The following SNTG2 variants were observed in gnomAD, a reference collection of about 807,000 sequenced individuals.
SNTG2 encodes the protein gamma-2-syntrophin.
In SNTG2, 74 loss-of-function variants were observed where a neutral mutation model predicts 70.9. The ratio of observed to expected loss-of-function variants is 1.04; its 90% CI spans 0.86 to 1.27. SNTG2 has a LOEUF of 1.27. SNTG2 is among the 50% of genes most tolerant of loss of function. SNTG2 has a pLI of 0.00. For synonymous variants in SNTG2, 278 were observed against 273.8 expected (o/e 1.02, Z -0.15); for missense variants, 717 against 690.7 (o/e 1.04, Z -0.43).
chr2:1,022,728 TTGG>T (rs1373473909), intron 1 of SNTG2, among the ~76,000 whole-genome samples: 4 of 152,216 alleles, frequency 2.6e-5, no homozygotes, highest in African/African-American at 9.7e-5. Context: ...TGCATTGGGA[TTGG>T]TGATTATCAA....
intron 13 of SNTG2, among the ~76,000 whole-genome samples, chr2:1,266,351 G>A (rs1230241431): frequency 6.6e-6 from 1 of 152,204 alleles, no homozygotes; most frequent in Non-Finnish European, 1.5e-5. Context: ...TGCAGATGGG[G>A]GAAAGAAGTG....
At chr2:1,080,427 A>C (rs11127455) in intron 1 of SNTG2, among the ~76,000 whole-genome samples, 123,000 of 152,180 alleles carry the variant, frequency 0.81, 49,810 homozygotes, top group Admixed American at 0.89. Flanking sequence ...ACTTTTATTC[A>C]TGTGCTGACC....
intron 14 of SNTG2, among the ~76,000 whole-genome samples, chr2:1,293,525 C>CTGTGTTGTGTGAATTCTGG: frequency 6.6e-6 from 1 of 151,672 alleles, no homozygotes; most frequent in Non-Finnish European, 1.5e-5. Flanking sequence ...CCTAGTTTTA[C>CTGTGTTGTGTGAATTCTGG]TGTGTTGTGT....
chr2:1,272,162 A>T (rs1305115370), intron 14 of SNTG2, among the ~76,000 whole-genome samples: 1 of 152,062 alleles, frequency 6.6e-6, no homozygotes, highest in East Asian at 1.9e-4. Context: ...GCAATCTGTA[A>T]TGAAATAATT....
chr2:1,237,701 G>A (rs1241103763), intron 9 of SNTG2, among the ~76,000 whole-genome samples, 187 bp from the exon 10 acceptor site: 1 of 152,224 alleles, frequency 6.6e-6, no homozygotes, highest in Non-Finnish European at 1.5e-5. Flanking sequence ...TGTTACCAAG[G>A]GAATTCGGGG....
chr2:1,145,597 G>A lies in SNTG2; in HGVS notation c.411+7788G>A, dbSNP rs147262606. On this transcript the variant is annotated intron_variant, in intron 6 of 16. Coordinates refer to ENST00000308624, the MANE Select transcript of SNTG2 (RefSeq NM_018968.4). ...TCAAACAGAAAGTGCCAGGCCAGAC[G>A]GGTTCCCTGGTGAGTTCTACCAAAC... Among the ~76,000 whole-genome samples the A allele has an allele frequency of 5.9e-3, 905 of 152,186 alleles. 8 individuals carry two copies. The highest frequency in any genetic ancestry group is 8.8e-3 in the Admixed American group (135 of 15,274).
intron 12 of SNTG2, among the ~76,000 whole-genome samples, 158 bp downstream of exon 12, chr2:1,247,601 T>C (rs1431817952): frequency 6.6e-6 from 1 of 152,186 alleles, no homozygotes; most frequent in Admixed American, 6.5e-5. Context: ...TGCTTGTAGA[T>C]TGCTTATTTC....
intron 16 of SNTG2, among the ~76,000 whole-genome samples, chr2:1,318,902 C>A (rs1681406969): frequency 6.6e-6 from 1 of 152,208 alleles, no homozygotes; most frequent in Non-Finnish European, 1.5e-5. Flanking sequence ...CCGTGGCTTT[C>A]TGAGCCTCTG....
At chr2:1,140,818 A>G (rs1668701379) in intron 6 of SNTG2, among the ~76,000 whole-genome samples, 1 of 120 alleles carries the variant, frequency 8.3e-3, no homozygotes, top group African/African-American at 0.011. Context: ...AGTGCTATGA[A>G]AACCATTGAT....
chr2:1,021,772 C>T (rs1175368640), intron 1 of SNTG2, among the ~76,000 whole-genome samples: 2 of 151,374 alleles, frequency 1.3e-5, no homozygotes, highest in Non-Finnish European at 2.9e-5. Flanking sequence ...CCACCATGCC[C>T]GGATTTATTA....
At chr2:1,030,222 T>C (rs1001561203) in intron 1 of SNTG2, among the ~76,000 whole-genome samples, 1 of 152,258 alleles carries the variant, frequency 6.6e-6, no homozygotes, top group African/African-American at 2.4e-5. Context: ...GCTGAACTTC[T>C]TGAGCTGTGC....
At chr2:1,035,188 C>T (rs1661062797) in intron 1 of SNTG2, among the ~76,000 whole-genome samples, 1 of 152,134 alleles carries the variant, frequency 6.6e-6, no homozygotes, top group South Asian at 2.1e-4. Flanking sequence ...TACAACAATC[C>T]TTTATTTTAT....
At chr2:953,616 T>G (rs1377779672) in intron 1 of SNTG2, among the ~76,000 whole-genome samples, 2 of 152,264 alleles carry the variant, frequency 1.3e-5, no homozygotes, top group African/African-American at 4.8e-5. Context: ...ATCTTTAATT[T>G]CAACTGTAGA....
intron 1 of SNTG2, among the ~76,000 whole-genome samples, chr2:1,034,532 A>C (rs1413102253): frequency 6.6e-6 from 1 of 152,214 alleles, no homozygotes; most frequent in Non-Finnish European, 1.5e-5. Context: ...AGGAATCACC[A>C]CACTGCCTTC....
At chr2:1,043,311 A>G (rs544661982) in intron 1 of SNTG2, among the ~76,000 whole-genome samples, 2 of 152,098 alleles carry the variant, frequency 1.3e-5, no homozygotes, top group Admixed American at 6.6e-5. Context: ...TGGATTCTGG[A>G]TATTATACCC....
chr2:1,359,504 T>C (rs1443630342), intron 16 of SNTG2, among the ~76,000 whole-genome samples: 2 of 152,230 alleles, frequency 1.3e-5, no homozygotes, highest in African/African-American at 4.8e-5. Flanking sequence ...CCTGCCCTTT[T>C]GTTTGCATGA....
intron 1 of SNTG2, among the ~76,000 whole-genome samples, chr2:1,028,322 G>A (rs528656286): frequency 1.3e-4 from 20 of 152,074 alleles, no homozygotes; most frequent in African/African-American, 4.1e-4. Context: ...ATCATTGAAG[G>A]TGCATCTGAC....
chr2:1,303,975 A>G (rs964481847), intron 14 of SNTG2, among the ~76,000 whole-genome samples: 5 of 152,220 alleles, frequency 3.3e-5, no homozygotes, highest in African/African-American at 4.8e-5. Context: ...AAAACTTTCA[A>G]AATGAAATGT....
At chr2:1,242,490 T>G (rs1197258873) in intron 11 of SNTG2, among the ~76,000 whole-genome samples, 1 of 152,228 alleles carries the variant, frequency 6.6e-6, no homozygotes, top group South Asian at 2.1e-4. Context: ...ACCAAATAAT[T>G]TATCATACAA....
Sources: gnomAD v4.1 joint callset for allele counts (sites outside exome capture counted in the v4.1 genomes callset) on GRCh38, gnomAD v4.1.1 for gene constraint, MANE v1.5 for transcripts, NCBI Gene and HGNC (gene_info 2026-07-23, HGNC 2026-07-21) for gene names.